Variants in MXI1 observed in about 807,000 individuals in gnomAD.
The protein encoded by MXI1 is MAX interactor 1, dimerization protein.
MXI1 carries 18 observed loss-of-function variants against 36.9 expected under a neutral mutation model. That is an observed-to-expected ratio of 0.49 (90% CI 0.34 to 0.72). The LOEUF (loss-of-function observed/expected upper bound fraction) is 0.72, where lower values mean the gene tolerates loss of function less well. Among genes scored for constraint, MXI1 ranks in the 30% least tolerant of loss-of-function variants. The pLI is 0.01. For missense variants in MXI1, 304 were observed against 379.1 expected (o/e 0.80, Z 1.64); for synonymous variants, 160 against 146.7 (o/e 1.09, Z -0.65).
intron 3 of MXI1, among the ~76,000 whole-genome samples, chr10:110,271,879 G>A (rs986461600): frequency 2.6e-5 from 4 of 152,198 alleles, no homozygotes; most frequent in Admixed American, 2.6e-4. Context: ...TTCAGCCTAT[G>A]TGGTATCTGT....
At chr10:110,265,086 G>A (rs1345944864) in intron 3 of MXI1, among the ~76,000 whole-genome samples, 1 of 152,124 alleles carries the variant, frequency 6.6e-6, no homozygotes, top group Non-Finnish European at 1.5e-5. Flanking sequence ...CCTTCAATTT[G>A]CAAAATGGAC....
chr10:110,279,348 T>A, intron 4 of MXI1, 54 bp downstream of exon 4: 1 of 1,406,398 alleles, frequency 7.1e-7, no homozygotes, highest in Non-Finnish European at 1.0e-6. Context: ...GGTTTAATTA[T>A]TGGCACTGAT....
intron 5 of MXI1, among the ~76,000 whole-genome samples, chr10:110,283,285 A>T (rs1042827057): frequency 6.8e-6 from 1 of 146,346 alleles, no homozygotes; most frequent in African/African-American, 2.5e-5. Flanking sequence ...TTTTTGAGAG[A>T]GAGTGTCTCG....
At chr10:110,261,080 A>G in intron 3 of MXI1, 1 of 985,044 alleles carries the variant, frequency 1.0e-6, no homozygotes, top group Non-Finnish European at 1.2e-6. Context: ...TACACAAAAC[A>G]AGGAGCACAG....
intron 5 of MXI1, among the ~76,000 whole-genome samples, chr10:110,281,207 C>T (rs371164937): frequency 3.3e-5 from 5 of 152,270 alleles, no homozygotes; most frequent in African/African-American, 7.2e-5. Flanking sequence ...TTCTTCACTA[C>T]GCTCACCCTC....
chr10:110,226,903 A>G (rs1420050008), intron 1 of MXI1, among the ~76,000 whole-genome samples: 1 of 2,460 alleles, frequency 4.1e-4, no homozygotes, highest in Non-Finnish European at 6.6e-4. Context: ...CGTGTGAGGG[A>G]GGGGTGCGCG....
intron 3 of MXI1, among the ~76,000 whole-genome samples, chr10:110,263,538 T>C (rs1856586042): frequency 6.6e-6 from 1 of 152,220 alleles, no homozygotes; most frequent in Admixed American, 6.5e-5. Context: ...CATTGTGACT[T>C]CAAGTTTACT....
At chr10:110,226,211 A>G in intron 1 of MXI1, 1 of 1,480,764 alleles carries the variant, frequency 6.8e-7, no homozygotes, top group Non-Finnish European at 9.0e-7. Context: ...CGCGGTGCCC[A>G]TGGAGCGGGT....
rs1564709328 is a variant in MXI1, at chr10:110,228,167, C to CT, written c.275-15dup. The CT allele has an allele frequency of 3.1e-6, 5 of 1,612,878 alleles. No individual in the cohort carries two copies. In the African/African-American group the frequency reaches 4.0e-5, roughly 13 times the overall value. On this transcript the variant is annotated intron_variant, in intron 1 of 5. Coordinates refer to ENST00000332674, the MANE Select transcript of MXI1 (RefSeq NM_130439.3). ...GGGTACTATATTCTTCTTACCGTAT[C>CT]TTTTTTTCTTGCTTTCTTCAGAGTG...
chr10:110,272,640 A>G (rs969102901), intron 3 of MXI1, among the ~76,000 whole-genome samples: 5 of 151,948 alleles, frequency 3.3e-5, no homozygotes, highest in Admixed American at 6.6e-5. Context: ...TTATTTGTAT[A>G]CAGATAAGCC....
chr10:110,239,865 A>G (rs2134382622), intron 2 of MXI1, among the ~76,000 whole-genome samples: 1 of 152,272 alleles, frequency 6.6e-6, no homozygotes, highest in African/African-American at 2.4e-5. Flanking sequence ...AAGAAATATT[A>G]CAAATCTTAG....
At chr10:110,248,057 A>G (rs1855938104) in intron 3 of MXI1, among the ~76,000 whole-genome samples, 1 of 152,236 alleles carries the variant, frequency 6.6e-6, no homozygotes, top group Non-Finnish European at 1.5e-5. Context: ...GACATGGATG[A>G]AGCTGGAAAC....
intron 5 of MXI1, among the ~76,000 whole-genome samples, chr10:110,280,512 C>G (rs980243439): frequency 6.6e-6 from 1 of 151,736 alleles, no homozygotes; most frequent in Non-Finnish European, 1.5e-5. Context: ...AATCCTGTCT[C>G]TACTAAAAAT....
At chr10:110,210,331 C>T (rs1205005577) in intron 1 of MXI1, 4 of 978,646 alleles carry the variant, frequency 4.1e-6, no homozygotes, top group African/African-American at 1.8e-5. Context: ...TAATAAGTCC[C>T]TCGGCCCCGC....
chr10:110,208,175 C>A (rs1047286712), intron 1 of MXI1, 93 bp downstream of exon 1: 5 of 1,332,296 alleles, frequency 3.8e-6, no homozygotes, highest in South Asian at 1.3e-5. Flanking sequence ...CCCGTCCCCC[C>A]CCCGCCCAAC....
At chr10:110,209,399 C>T (rs1040025126) in intron 1 of MXI1, among the ~76,000 whole-genome samples, 11 of 152,120 alleles carry the variant, frequency 7.2e-5, no homozygotes. Context: ...TTGCAACCTT[C>T]CCCCCACCCA....
intron 3 of MXI1, among the ~76,000 whole-genome samples, chr10:110,274,062 A>AG (rs1856947957): frequency 6.6e-6 from 1 of 152,228 alleles, no homozygotes; most frequent in African/African-American, 2.4e-5. Flanking sequence ...CACAGCTACT[A>AG]GTAGAGGCCA....
At chr10:110,280,656 G>A (rs1327136302) in intron 5 of MXI1, among the ~76,000 whole-genome samples, 1 of 151,278 alleles carries the variant, frequency 6.6e-6, no homozygotes. Flanking sequence ...CTCCAGCCTG[G>A]GCAACAGAGT....
chr10:110,233,253 AAAG>A (rs1189477551), intron 2 of MXI1, among the ~76,000 whole-genome samples: 2 of 152,212 alleles, frequency 1.3e-5, no homozygotes, highest in Admixed American at 6.5e-5. Context: ...ACTGTAGAAT[AAAG>A]AAATGCTTTA....
Sources: gnomAD v4.1 joint callset for allele counts (sites outside exome capture counted in the v4.1 genomes callset) on GRCh38, gnomAD v4.1.1 for gene constraint, MANE v1.5 for transcripts, NCBI Gene and HGNC (gene_info 2026-07-23, HGNC 2026-07-21) for gene names.